Variants in ROBO1 observed in about 807,000 individuals in gnomAD.
ROBO1 encodes the protein roundabout homolog 1.
In ROBO1, 149 loss-of-function variants were observed where a neutral mutation model predicts 195.9. The ratio of observed to expected loss-of-function variants is 0.76; its 90% CI spans 0.67 to 0.87. ROBO1 has a LOEUF of 0.87. Ranked by LOEUF, ROBO1 falls within the 40% of genes least tolerant of loss-of-function variation. The probability of loss-of-function intolerance (pLI) is 0.00; values close to 1 mark genes in which losing one functional copy is unlikely to be tolerated. For synonymous variants in ROBO1, 816 were observed against 733.2 expected (o/e 1.11, Z -1.82); for missense variants, 1,933 against 2,068.3 (o/e 0.93, Z 1.27).
chr3:78,696,420 G>A (rs2107898821), intron 8 of ROBO1, among the ~76,000 whole-genome samples: 1 of 152,122 alleles, frequency 6.6e-6, no homozygotes, highest in Non-Finnish European at 1.5e-5. Context: ...AACCTAAATT[G>A]TTAAAGAACT....
chr3:79,762,052 AC>A (rs1251957138), intron 1 of ROBO1, among the ~76,000 whole-genome samples: 1 of 152,180 alleles, frequency 6.6e-6, no homozygotes, highest in African/African-American at 2.4e-5. Flanking sequence ...ATACTGCTTC[AC>A]AGAATTTAGA....
chr3:79,763,076 G>T (rs1704798665), intron 1 of ROBO1, among the ~76,000 whole-genome samples: 1 of 152,108 alleles, frequency 6.6e-6, no homozygotes, highest in African/African-American at 2.4e-5. Flanking sequence ...TTTCCTTTAG[G>T]ACAGTTTCCT....
intron 1 of ROBO1, among the ~76,000 whole-genome samples, chr3:79,661,191 C>A (rs1946317469): frequency 6.6e-6 from 1 of 152,172 alleles, no homozygotes; most frequent in Admixed American, 6.6e-5. Context: ...TAAAGAATTA[C>A]CTTTGCTTCA....
intron 2 of ROBO1, chr3:79,526,464 A>G (rs1228898284): frequency 1.3e-5 from 2 of 152,226 alleles, no homozygotes; most frequent in Non-Finnish European, 2.9e-5. Context: ...CAAAAAGAGT[A>G]TGAGTAAATA....
intron 4 of ROBO1, among the ~76,000 whole-genome samples, chr3:78,840,100 T>A (rs907964453): frequency 6.6e-6 from 1 of 152,240 alleles, no homozygotes; most frequent in Non-Finnish European, 1.5e-5. Flanking sequence ...TGCTTTCATT[T>A]TGGCTGTCTT....
At chr3:79,399,735 G>A (rs981630417) in intron 2 of ROBO1, among the ~76,000 whole-genome samples, 1 of 152,136 alleles carries the variant, frequency 6.6e-6, no homozygotes, top group Non-Finnish European at 1.5e-5. Context: ...ATGCTTTCAG[G>A]TTGACAGAAG....
intron 2 of ROBO1, among the ~76,000 whole-genome samples, chr3:79,250,185 G>C (rs2082694665): frequency 6.6e-6 from 1 of 152,148 alleles, no homozygotes; most frequent in African/African-American, 2.4e-5. Context: ...TTTGAGCTTT[G>C]AATGCACACA....
At chr3:79,297,452 A>G (rs1451306341) in intron 2 of ROBO1, among the ~76,000 whole-genome samples, 2 of 152,156 alleles carry the variant, frequency 1.3e-5, no homozygotes, top group Non-Finnish European at 2.9e-5. Flanking sequence ...TATGATCTCT[A>G]GTGGGCATAT....
chr3:78,996,976 T>C lies in ROBO1; in HGVS notation c.173-58049A>G, dbSNP rs146051112. Among the ~76,000 whole-genome samples the C allele has an allele frequency of 3.7e-4, 56 of 152,286 alleles. No individual in the cohort carries two copies. The East Asian group carries it at 0.01, about 28-fold the overall frequency. Reference sequence around the variant, plus strand: ...TCATGTAGATATAAGACAGTGTTTCTCAACTTTTGTTCCCCAGAACACCTG... The same window carrying C: ...TCATGTAGATATAAGACAGTGTTTCCCAACTTTTGTTCCCCAGAACACCTG... On this transcript the variant is annotated intron_variant, in intron 3 of 30. Coordinates refer to ENST00000464233, the MANE Select transcript of ROBO1 (RefSeq NM_002941.4).
chr3:79,703,677 A>T (rs1405901925), intron 1 of ROBO1, among the ~76,000 whole-genome samples: 1 of 151,956 alleles, frequency 6.6e-6, no homozygotes, highest in Non-Finnish European at 1.5e-5. Flanking sequence ...TATATGAACT[A>T]ACTTAAACTA....
intron 3 of ROBO1, among the ~76,000 whole-genome samples, chr3:79,060,168 C>T (rs2078888971): frequency 6.6e-6 from 1 of 151,936 alleles, no homozygotes; most frequent in African/African-American, 2.4e-5. Flanking sequence ...TGAGAAATTC[C>T]AGCCTGGTGA....
chr3:79,534,056 A>G (rs1170540014), intron 2 of ROBO1, among the ~76,000 whole-genome samples: 1 of 147,884 alleles, frequency 6.8e-6, no homozygotes, highest in African/African-American at 2.5e-5. Flanking sequence ...TGAGCAGCAG[A>G]GTGACGTGAG....
intron 4 of ROBO1, among the ~76,000 whole-genome samples, chr3:78,873,251 C>G (rs562759162): frequency 6.6e-6 from 1 of 152,140 alleles, no homozygotes; most frequent in African/African-American, 2.4e-5. Flanking sequence ...TCCAAGGGAA[C>G]TCAGGTAGTT....
intron 3 of ROBO1, among the ~76,000 whole-genome samples, chr3:79,057,704 C>T (rs951179282): frequency 6.6e-6 from 1 of 152,046 alleles, no homozygotes; most frequent in Non-Finnish European, 1.5e-5. Context: ...CTTATACTTT[C>T]TGTCTCACCA....
At position 78,600,044 on chromosome 3, in the gene ROBO1, T is replaced by A. The variant is rs779586703; in HGVS notation, c.4941+69A>T. ...AAACAGTAACATTTCTGTACACTGA[T>A]GAAGGTTCCTAACTACATAAAACAA... On this transcript the variant is annotated intron_variant, in intron 30 of 30. Transcript: ENST00000464233. 3.3e-6 allele frequency: 4 copies of A among 1,229,448 alleles called. No individual in the cohort carries two copies. The African/African-American group carries it at 4.4e-5, about 14-fold the overall frequency. The allele number at this position is 1,229,448 out of a possible 1,614,324, so 76.2% of individuals were successfully genotyped here. A position where few individuals can be genotyped will look rare whatever the true frequency, so the allele number is the denominator to read the frequency against.
At position 79,198,170 on chromosome 3, in the gene ROBO1, G is replaced by C. The variant is rs182077855; in HGVS notation, c.89-72631C>G. On this transcript the variant is annotated intron_variant, in intron 2 of 30. Coordinates refer to ENST00000464233, the MANE Select transcript of ROBO1 (RefSeq NM_002941.4). The stretch of plus-strand genomic sequence containing the variant: ...TTCTTCTAGGGTTTTTATGGTTTTA[G>C]GTCTTACATTAAAGTCTTTAATTCT... 1.8e-4 allele frequency among the ~76,000 whole-genome samples: 28 copies of C among 152,084 alleles called. No individual in the cohort carries two copies. The East Asian group carries it at 4.4e-3, about 24-fold the overall frequency.
At chr3:78,831,252 C>A (rs2032170131) in intron 4 of ROBO1, among the ~76,000 whole-genome samples, 1 of 151,896 alleles carries the variant, frequency 6.6e-6, no homozygotes, top group African/African-American at 2.4e-5. Context: ...GTTTCCCAGA[C>A]AAATGGGAAA....
chr3:79,072,471 G>T (rs2079105895), intron 3 of ROBO1, among the ~76,000 whole-genome samples: 1 of 151,816 alleles, frequency 6.6e-6, no homozygotes, highest in African/African-American at 2.4e-5. Context: ...TTTCACTGTT[G>T]CTGAAAACTG....
At chr3:78,812,105 G>T (rs9813851) in intron 4 of ROBO1, among the ~76,000 whole-genome samples, 4,426 of 152,118 alleles carry the variant, frequency 0.029, 202 homozygotes, top group African/African-American at 0.1. Flanking sequence ...TTGTTATGTG[G>T]AGGCCATGCA....
Sources: gnomAD v4.1 joint callset for allele counts (sites outside exome capture counted in the v4.1 genomes callset) on GRCh38, gnomAD v4.1.1 for gene constraint, MANE v1.5 for transcripts, NCBI Gene and HGNC (gene_info 2026-07-23, HGNC 2026-07-21) for gene names.